ZNF704: variants seen among roughly 807,000 people sequenced by gnomAD.
ZNF704 encodes the protein glucocorticoid induced gene 1.
In ZNF704, 10 loss-of-function variants were observed where a neutral mutation model predicts 44.7. The observed-to-expected ratio is 0.22, with a 90% CI of 0.14 to 0.38. ZNF704 has a LOEUF of 0.38. ZNF704 is among the 10% of genes least tolerant of loss of function. The pLI, the probability that ZNF704 is intolerant of heterozygous loss-of-function variation, is 1.00. For synonymous variants in ZNF704, 211 were observed against 207.6 expected (o/e 1.02, Z -0.14); for missense variants, 390 against 545.5 (o/e 0.71, Z 2.84).
intron 2 of ZNF704, among the ~76,000 whole-genome samples, chr8:80,703,719 C>T (rs1187474705): frequency 1.3e-5 from 2 of 152,176 alleles, no homozygotes; most frequent in Non-Finnish European, 2.9e-5. Flanking sequence ...AAGTGATCCT[C>T]CTGCCTCAGC....
intron 1 of ZNF704, among the ~76,000 whole-genome samples, chr8:80,832,438 A>ACACTCAAGTACACTCTGGGC (rs2129931140): frequency 6.6e-6 from 1 of 152,286 alleles, no homozygotes; most frequent in Non-Finnish European, 1.5e-5. Flanking sequence ...CCTTCTGCCT[A>ACACTCAAGTACACTCTGGGC]CACTCAAGTA....
chr8:80,798,066 T>A (rs1401791372), intron 2 of ZNF704, among the ~76,000 whole-genome samples: 1 of 152,188 alleles, frequency 6.6e-6, no homozygotes, highest in African/African-American at 2.4e-5. Context: ...TTTTTCATTT[T>A]AATTTTTAAA....
At chr8:80,844,477 CCT>C (rs1301768609) in intron 1 of ZNF704, among the ~76,000 whole-genome samples, 8 of 152,116 alleles carry the variant, frequency 5.3e-5, no homozygotes, top group African/African-American at 1.9e-4. Flanking sequence ...TCCCAAAGGT[CCT>C]ACCTCCTAAT....
intron 2 of ZNF704, among the ~76,000 whole-genome samples, chr8:80,802,194 C>CAAAAA (rs748625927): frequency 3.6e-5 from 3 of 82,512 alleles, no homozygotes; most frequent in Non-Finnish European, 7.2e-5. Context: ...GCCTACCAAC[C>CAAAAA]AAAAAAAAAA....
Position 80,827,495 on chromosome 8 carries a change from C to T in ZNF704, c.-21-5880G>A, listed in dbSNP as rs1586057535. Among the ~76,000 whole-genome samples, 4 of 152,068 alleles carry T rather than the reference C, an allele frequency of 2.6e-5. No individual in the cohort carries two copies. In the East Asian group the frequency reaches 5.8e-4, roughly 22 times the overall value. On this transcript the variant is annotated intron_variant, in intron 1 of 8. Coordinates refer to ENST00000327835, the MANE Select transcript of ZNF704 (RefSeq NM_001033723.3). ...CAATATCATGAAAATGGCCATACTG[C>T]CCAAGGTAATTTATAGATTCAATGC...
At chr8:80,834,365 C>A (rs1403502459) in intron 1 of ZNF704, among the ~76,000 whole-genome samples, 1 of 152,148 alleles carries the variant, frequency 6.6e-6, no homozygotes, top group Non-Finnish European at 1.5e-5. Flanking sequence ...CCTGTGAGGG[C>A]AGCTTCAATG....
intron 2 of ZNF704, among the ~76,000 whole-genome samples, chr8:80,787,577 T>C (rs1487050869): frequency 6.6e-6 from 1 of 152,214 alleles, no homozygotes; most frequent in African/African-American, 2.4e-5. Flanking sequence ...AAAAAATATA[T>C]TTCAGCTGAG....
At position 80,690,396 on chromosome 8, in the gene ZNF704, TC is replaced by T. The variant is rs201430653; in HGVS notation, c.325+2607del. Among the ~76,000 whole-genome samples, 1,235 of 152,308 alleles carry T rather than the reference TC, an allele frequency of 8.1e-3. 22 individuals are homozygous for T. Among genetic ancestry groups the T allele is most frequent in the African/African-American group, 0.028 (1,157 of 41,554 alleles). On this transcript the variant is annotated intron_variant, in intron 3 of 8. Transcript: ENST00000327835. The stretch of plus-strand genomic sequence containing the variant: ...TTCCATGAAATTCTACAATTCCTTT[TC>T]CCTAGAATATGTCTTGGGGGTTTTC...
intron 2 of ZNF704, among the ~76,000 whole-genome samples, chr8:80,721,619 T>A (rs539132189): frequency 2.6e-5 from 4 of 152,348 alleles, no homozygotes; most frequent in Middle Eastern, 3.4e-3. Context: ...TCCTTAAAAC[T>A]TTTTAATATC....
chr8:80,878,017 C>T (rs1341136423), upstream of ZNF704, among the ~76,000 whole-genome samples: 1 of 152,132 alleles, frequency 6.6e-6, no homozygotes, highest in African/African-American at 2.4e-5. Context: ...CTGTCTTCTT[C>T]CTGCAGATAG....
At chr8:80,862,106 C>T (rs989381909) in intron 1 of ZNF704, among the ~76,000 whole-genome samples, 2 of 141,150 alleles carry the variant, frequency 1.4e-5, no homozygotes, top group African/African-American at 5.4e-5. Context: ...CGGGTTCAAG[C>T]AATTCTCCTG....
intron 2 of ZNF704, among the ~76,000 whole-genome samples, chr8:80,808,174 T>C (rs921897917): frequency 2.0e-5 from 3 of 152,212 alleles, no homozygotes; most frequent in African/African-American, 7.2e-5. Flanking sequence ...CCAGTTTGAC[T>C]TACTAAACTA....
Position 80,709,404 on chromosome 8 carries a change from A to G in ZNF704, c.222-16297T>C, listed in dbSNP as rs1037570599. On this transcript the variant is annotated intron_variant, in intron 2 of 8. Coordinates refer to ENST00000327835, the MANE Select transcript of ZNF704 (RefSeq NM_001033723.3). ...GATTGCAATAAGCAGAGATGGCACC[A>G]CTGCACTCCACCTTGGCAACAGTGC... 3.0e-5 allele frequency among the ~76,000 whole-genome samples: 4 copies of G among 134,692 alleles called. 1 individual carries two copies. The highest frequency in any genetic ancestry group is 1.1e-4 in the African/African-American group (4 of 35,448). 88.4% of individuals were successfully genotyped at this position (134,692 alleles called of 152,430 possible).
At chr8:80,771,857 CTTCTAT>C (rs1350693193) in intron 2 of ZNF704, among the ~76,000 whole-genome samples, 6 of 151,714 alleles carry the variant, frequency 4.0e-5, no homozygotes, top group African/African-American at 1.5e-4. Flanking sequence ...TAGGAAGTTC[CTTCTAT>C]TTCTATTTTT....
intron 2 of ZNF704, among the ~76,000 whole-genome samples, chr8:80,728,491 G>A (rs531496104): frequency 6.6e-6 from 1 of 152,332 alleles, no homozygotes; most frequent in African/African-American, 2.4e-5. Context: ...TGTAAAGGAG[G>A]TGGGGGAGAG....
chr8:80,812,822 C>A lies in ZNF704; in HGVS notation c.221+8552G>T, dbSNP rs142682637. Among the ~76,000 whole-genome samples the A allele has an allele frequency of 1.7e-3, 258 of 152,206 alleles. 1 individual carries two copies. Among genetic ancestry groups the A allele is most frequent in the African/African-American group, 5.8e-3 (242 of 41,542 alleles). On this transcript the variant is annotated intron_variant, in intron 2 of 8. Coordinates refer to ENST00000327835, the MANE Select transcript of ZNF704 (RefSeq NM_001033723.3). ...TTGGACAGTTTTGCTTGAATGTTAT[C>A]CTTTTTAGATAAACAAATGACCAAT...
intron 2 of ZNF704, among the ~76,000 whole-genome samples, chr8:80,759,621 T>A (rs1050970249): frequency 2.0e-5 from 3 of 152,058 alleles, no homozygotes; most frequent in Non-Finnish European, 2.9e-5. Flanking sequence ...CTAACTCTAG[T>A]CAATAGCAGC....
intron 7 of ZNF704, among the ~76,000 whole-genome samples, chr8:80,645,450 G>A (rs893224967): frequency 6.6e-6 from 1 of 152,118 alleles, no homozygotes; most frequent in African/African-American, 2.4e-5. Flanking sequence ...TCGGATGTGT[G>A]TCTCTGCCTG....
intron 2 of ZNF704, among the ~76,000 whole-genome samples, chr8:80,696,457 A>T (rs1053504301): frequency 1.3e-5 from 2 of 152,112 alleles, no homozygotes; most frequent in African/African-American, 4.8e-5. Flanking sequence ...TTGCTCTGTC[A>T]CCCAGGCTGG....
Sources: gnomAD v4.1 joint callset for allele counts (sites outside exome capture counted in the v4.1 genomes callset) on GRCh38, gnomAD v4.1.1 for gene constraint, MANE v1.5 for transcripts, NCBI Gene and HGNC (gene_info 2026-07-23, HGNC 2026-07-21) for gene names.